Variants in ARID1B observed in about 807,000 individuals in gnomAD.
ARID1B encodes AT-rich interaction domain 1B.
ARID1B carries 30 observed loss-of-function variants against 212.3 expected under a neutral mutation model. The observed-to-expected ratio is 0.14, with a 90% CI of 0.11 to 0.19. ARID1B has a LOEUF of 0.19. Among genes scored for constraint, ARID1B ranks in the 10% least tolerant of loss-of-function variants. ARID1B has a pLI of 1.00. For missense variants in ARID1B, 2,891 were observed against 3,204.0 expected, an observed-to-expected ratio of 0.90 and a Z score of 2.36; for synonymous variants, 1,402 against 1,301.7, an observed-to-expected ratio of 1.08 and a Z score of -1.66.
intron 6 of ARID1B, among the ~76,000 whole-genome samples, chr6:157,132,060 C>G (rs1197605559): frequency 1.3e-5 from 2 of 152,166 alleles, no homozygotes; most frequent in Non-Finnish European, 2.9e-5. Flanking sequence ...GTTATTCTGG[C>G]ACCTTTGAGG....
In ARID1B at chr6:157,199,092, A is replaced by C. The variant is rs544822569; in HGVS notation, c.4479+185A>C. Reference sequence around the variant, plus strand: ...GGATGTTGAAGTCAGCAAATTAAAAATAACTCTTGATACACGGTTTCTTGA... The same window carrying C: ...GGATGTTGAAGTCAGCAAATTAAAACTAACTCTTGATACACGGTTTCTTGA... On this transcript the variant is annotated intron_variant, in intron 17 of 19. Transcript: ENST00000636930. Among the ~76,000 whole-genome samples, 30 of 152,374 alleles carry C rather than the reference A, an allele frequency of 2.0e-4. 1 individual carries two copies. The South Asian group carries it at 6.0e-3, about 31-fold the overall frequency.
chr6:157,144,268 A>G (rs1789568899), intron 7 of ARID1B, among the ~76,000 whole-genome samples: 1 of 152,256 alleles, frequency 6.6e-6, no homozygotes, highest in Non-Finnish European at 1.5e-5. Flanking sequence ...CTACAAACTC[A>G]GAAACCTTCT....
chr6:156,806,205 A>AGTGATAAAC (rs1461481013), intron 1 of ARID1B, among the ~76,000 whole-genome samples: 2 of 152,206 alleles, frequency 1.3e-5, no homozygotes, highest in Non-Finnish European at 2.9e-5. Context: ...GTCCTCAATA[A>AGTGATAAAC]GTGATAAACT....
chr6:156,945,212 G>T (rs1371675252), intron 4 of ARID1B, among the ~76,000 whole-genome samples: 6 of 134,276 alleles, frequency 4.5e-5, no homozygotes, highest in Admixed American at 1.5e-4. Context: ...TGGGATGACC[G>T]GTGTGAGCCC....
At chr6:156,827,265 C>G (rs1472041292) in intron 1 of ARID1B, among the ~76,000 whole-genome samples, 2 of 152,162 alleles carry the variant, frequency 1.3e-5, no homozygotes, top group African/African-American at 4.8e-5. Flanking sequence ...CTGAAGGCTC[C>G]CACTCCTGGG....
chr6:157,125,068 G>C (rs10457940), intron 6 of ARID1B, among the ~76,000 whole-genome samples: 11,159 of 152,228 alleles, frequency 0.073, 547 homozygotes, highest in Non-Finnish European at 0.09. Context: ...GGGAGCACCT[G>C]GTGACTGCGT....
At chr6:157,136,795 G>A (rs972927324) in intron 7 of ARID1B, among the ~76,000 whole-genome samples, 1 of 152,124 alleles carries the variant, frequency 6.6e-6, no homozygotes, top group African/African-American at 2.4e-5. Flanking sequence ...CCGGGACGTG[G>A]AGGCTGCAGT....
At chr6:156,979,622 A>G (rs1260481109) in intron 4 of ARID1B, among the ~76,000 whole-genome samples, 1 of 151,680 alleles carries the variant, frequency 6.6e-6, no homozygotes, top group African/African-American at 2.4e-5. Context: ...CAGTGGCTCC[A>G]TCTCAGCCCA....
intron 4 of ARID1B, among the ~76,000 whole-genome samples, chr6:156,952,676 G>A (rs1247711970): frequency 1.3e-5 from 2 of 152,196 alleles, no homozygotes; most frequent in African/African-American, 2.4e-5. Context: ...TGGGAGTGGG[G>A]AGCAGGGTCT....
intron 3 of ARID1B, among the ~76,000 whole-genome samples, chr6:156,918,141 A>G (rs1046604511): frequency 6.6e-6 from 1 of 152,218 alleles, no homozygotes; most frequent in Non-Finnish European, 1.5e-5. Context: ...AGTGAAATAT[A>G]TTTTTGATTT....
rs547415203 is a variant in ARID1B at position 157,025,250 on chromosome 6, C to T, written c.2248-59412C>T. 5.1e-4 allele frequency among the ~76,000 whole-genome samples: 77 copies of T among 152,196 alleles called. 3 individuals carry two copies. In the South Asian group the frequency reaches 0.015, roughly 29 times the overall value. ...TCTCAGAACAAAAAGATGTGTTACA[C>T]GGTGGAAACTAAAGGAATTTTAAGA... is the stretch of plus-strand genomic sequence containing the variant. On this transcript the variant is annotated intron_variant, in intron 4 of 19. Coordinates refer to ENST00000636930, the MANE Select transcript of ARID1B (RefSeq NM_001374828.1).
chr6:156,830,682 A>G (rs1314466256), intron 2 of ARID1B, among the ~76,000 whole-genome samples: 2 of 152,030 alleles, frequency 1.3e-5, no homozygotes, highest in African/African-American at 4.8e-5. Context: ...ATTTCCAGCT[A>G]TTCGGGAGGC....
At chr6:157,054,459 CAT>C (rs1304423459) in intron 4 of ARID1B, among the ~76,000 whole-genome samples, 5 of 152,236 alleles carry the variant, frequency 3.3e-5, no homozygotes, top group Middle Eastern at 3.4e-3. Context: ...TTATAATAAA[CAT>C]GTAAATCTGG....
At chr6:157,186,168 ATCAGCT>A in intron 13 of ARID1B, 1 of 266,318 alleles carries the variant, frequency 3.8e-6, no homozygotes, top group South Asian at 3.9e-5. Flanking sequence ...CCCAGTGTGC[ATCAGCT>A]TCAGGACGGG....
intron 4 of ARID1B, among the ~76,000 whole-genome samples, chr6:157,025,705 T>C (rs1780615420): frequency 6.6e-6 from 1 of 152,104 alleles, no homozygotes; most frequent in Admixed American, 6.5e-5. Context: ...GTTTATCCAC[T>C]CATCAGTTGA....
At chr6:156,804,715 A>AC (rs1781025537) in intron 1 of ARID1B, among the ~76,000 whole-genome samples, 1 of 152,114 alleles carries the variant, frequency 6.6e-6, no homozygotes, top group South Asian at 2.1e-4. Flanking sequence ...CTCCTACAAC[A>AC]CATGGGGATT....
chr6:156,780,588 C>T (rs968453358), intron 1 of ARID1B: 1 of 152,192 alleles, frequency 6.6e-6, no homozygotes, highest in Non-Finnish European at 1.5e-5. Context: ...GCATTTAGCA[C>T]TGCTGATGTA....
chr6:157,039,751 T>TCCTTCCTA (rs1362837855), intron 4 of ARID1B, among the ~76,000 whole-genome samples: 1 of 127,440 alleles, frequency 7.8e-6, no homozygotes, highest in Non-Finnish European at 1.6e-5. Context: ...CTCCCTTCCT[T>TCCTTCCTA]CCTTCCTACC....
chr6:156,908,319 A>T (rs948936700), intron 3 of ARID1B, among the ~76,000 whole-genome samples: 4 of 152,230 alleles, frequency 2.6e-5, no homozygotes, highest in African/African-American at 9.7e-5. Flanking sequence ...TCCATTTCAT[A>T]TAATTTTTCA....
Sources: allele counts gnomAD v4.1 joint callset (sites outside exome capture counted in the v4.1 genomes callset), GRCh38; gene constraint gnomAD v4.1.1; transcripts MANE v1.5; gene names NCBI Gene and HGNC (gene_info 2026-07-23, HGNC 2026-07-21).